CDHR3: variants seen among roughly 807,000 people sequenced by gnomAD.
CDHR3 encodes the protein cadherin-related family member 3.
A neutral mutation model predicts 86.6 loss-of-function variants in CDHR3; 79 were observed. That is an observed-to-expected ratio of 0.91 (90% confidence interval 0.76 to 1.10). CDHR3 has a LOEUF of 1.10. Among genes scored for constraint, CDHR3 ranks in the 50% least tolerant of loss-of-function variants. The pLI, the probability that CDHR3 is intolerant of heterozygous loss-of-function variation, is 0.00. For synonymous variants in CDHR3, 421 were observed against 402.4 expected, an observed-to-expected ratio of 1.05 and a Z score of -0.55; for missense variants, 1,081 against 1,077.6, an observed-to-expected ratio of 1.00 and a Z score of -0.04.
rs1014488804 is a variant in CDHR3, at chr7:105,974,788, T to A, written c.47-56T>A. 6.5e-5 allele frequency: 93 copies of A among 1,438,386 alleles called. No homozygotes were observed. The African/African-American group carries it at 1.1e-3, about 18-fold the overall frequency. 89.1% of individuals were successfully genotyped at this position (1,438,386 alleles called of 1,614,324 possible). Reference sequence around the variant, plus strand: ...GCCACAAACCAAGCTGTTAAGTCCCTGTTCCCAGCAAAAGGCTTTGTGTTC... The same window carrying A: ...GCCACAAACCAAGCTGTTAAGTCCCAGTTCCCAGCAAAAGGCTTTGTGTTC... On this transcript the variant is annotated intron_variant, in intron 1 of 18. Transcript: ENST00000317716.
chr7:106,009,804 T>C (rs532754410), intron 8 of CDHR3, among the ~76,000 whole-genome samples: 85 of 152,344 alleles, frequency 5.6e-4, no homozygotes, highest in African/African-American at 2.0e-3. Flanking sequence ...TTGTAAATTG[T>C]CAGGCGATTC....
At chr7:106,003,989 CAAAAAA>C (rs55815648) in intron 7 of CDHR3, among the ~76,000 whole-genome samples, 4 of 79,976 alleles carry the variant, frequency 5.0e-5, no homozygotes, top group South Asian at 1.2e-3. Flanking sequence ...CCAACCTAAC[CAAAAAA>C]AAAAAAAAAA....
intron 4 of CDHR3, among the ~76,000 whole-genome samples, chr7:105,986,555 TG>T: frequency 6.6e-6 from 1 of 152,200 alleles, no homozygotes; most frequent in East Asian, 1.9e-4. Flanking sequence ...TTACATGACG[TG>T]GGAGGGCTTC....
intron 2 of CDHR3, 21 bp downstream of exon 2, chr7:105,975,067 A>G (rs752456484): frequency 6.3e-7 from 1 of 1,581,970 alleles, no homozygotes; most frequent in Non-Finnish European, 8.7e-7. Flanking sequence ...ACTTACCAAC[A>G]TGAGTGTTGC....
chr7:105,967,794 A>G (rs1001671009), intron 1 of CDHR3, among the ~76,000 whole-genome samples: 1 of 152,008 alleles, frequency 6.6e-6, no homozygotes, highest in Non-Finnish European at 1.5e-5. Flanking sequence ...CCACTTTTTG[A>G]TGGAGTTGTT....
At chr7:106,019,298 TG>T (rs1259387833) in intron 12 of CDHR3, among the ~76,000 whole-genome samples, 2 of 152,150 alleles carry the variant, frequency 1.3e-5, no homozygotes, top group Non-Finnish European at 2.9e-5. Context: ...TAACTTGCTT[TG>T]AATTAATGGG....
Position 106,033,607 on chromosome 7 carries a change from G to T in CDHR3, c.*910G>T, listed in dbSNP as rs1838670255. 6.6e-6 allele frequency: 1 copy of T among 152,174 alleles called. No homozygotes were observed. Among genetic ancestry groups the T allele is most frequent in the Admixed American group, 6.5e-5 (1 of 15,278 alleles). 9.4% of individuals were successfully genotyped at this position (152,174 alleles called of 1,614,324 possible). On this transcript the variant is annotated 3_prime_UTR_variant, in exon 19 of 19. Coordinates refer to ENST00000317716, the MANE Select transcript of CDHR3 (RefSeq NM_152750.5). Reference sequence around the variant, plus strand: ...ATACAAAAATTAGCTTGGTGTGGTGGTGGGCACATGTAATCCCAGCTACTT... The same window carrying T: ...ATACAAAAATTAGCTTGGTGTGGTGTTGGGCACATGTAATCCCAGCTACTT...
At chr7:106,026,031 CT>C (rs1189764593) in intron 15 of CDHR3, among the ~76,000 whole-genome samples, 1 of 152,172 alleles carries the variant, frequency 6.6e-6, no homozygotes, top group Non-Finnish European at 1.5e-5. Flanking sequence ...GAACCTGGTT[CT>C]TTTAACTTAT....
chr7:106,015,278 G>A, intron 10 of CDHR3, 65 bp downstream of exon 10: 1 of 1,365,518 alleles, frequency 7.3e-7, no homozygotes, highest in South Asian at 1.3e-5. Flanking sequence ...AACTCTGCTG[G>A]GCAATACTAG....
intron 4 of CDHR3, among the ~76,000 whole-genome samples, chr7:105,988,104 G>T (rs1035059477): frequency 5.9e-5 from 9 of 152,118 alleles, no homozygotes; most frequent in African/African-American, 2.4e-5. Flanking sequence ...GCCCAGGCTG[G>T]TCTCAAACTC....
Position 105,994,763 on chromosome 7 carries a change from T to C in CDHR3, c.526T>C (p.Ser176Pro). 6.2e-7 allele frequency: 1 copy of C among 1,611,328 alleles called. No individual in the cohort carries two copies. The highest frequency in any genetic ancestry group is 8.5e-7 in the Non-Finnish European group (1 of 1,178,654). Residue 176 changes from serine to proline, a missense_variant, in exon 5 of 19, where the codon TCT becomes CCT. Coordinates refer to ENST00000317716, the MANE Select transcript of CDHR3 (RefSeq NM_152750.5). ...RNIPLSYFLISPPKSFRMSAN... is the reference protein window; with the variant it reads ...RNIPLSYFLIPPPKSFRMSAN... ...CCTTGTTTTTTAGTATTTCCTGATT[T>C]CTCCCCCAAAGAGCTTCAGAATGTC...
rs759233670 is a variant in CDHR3, at chr7:106,015,937, C to T, written c.1338C>T (p.Tyr446=). The T allele has an allele frequency of 1.9e-5, 31 of 1,607,764 alleles. No individual in the cohort carries two copies. The highest frequency in any genetic ancestry group is 5.5e-5 in the South Asian group (5 of 90,616). The stretch of plus-strand genomic sequence containing the variant: ...TATTTCCATTTTTAGATAACGTCTA[C>T]GTTTATATCCTAACAAGCCCAGAAA... ...VAPPYYKNNV[Y]VYILTSPENE... The change falls in exon 11 of 19, where the codon TAC becomes TAT. Residue 446 remains tyrosine, a synonymous_variant. Coordinates refer to ENST00000317716, the MANE Select transcript of CDHR3 (RefSeq NM_152750.5).
intron 4 of CDHR3, among the ~76,000 whole-genome samples, chr7:105,991,391 G>GA (rs144724765): frequency 0.026 from 3,792 of 147,478 alleles, 149 homozygotes; most frequent in African/African-American, 0.089. Context: ...GTGTTAAAAA[G>GA]AAAAAAAAAA....
At chr7:105,982,562 C>A (rs1163418332) in intron 3 of CDHR3, among the ~76,000 whole-genome samples, 2 of 152,008 alleles carry the variant, frequency 1.3e-5, no homozygotes, top group Non-Finnish European at 2.9e-5. Flanking sequence ...TTCCCCTTCT[C>A]CCCCTCAGTC....
rs1412376523 is a variant in CDHR3, at chr7:105,980,980, G to A, written c.262G>A (p.Gly88Arg). 1 of 1,607,576 alleles carries A rather than the reference G, an allele frequency of 6.2e-7. No homozygotes were observed. The highest frequency in any genetic ancestry group is 8.5e-7 in the Non-Finnish European group (1 of 1,176,856). Residue 88 changes from glycine (G) to arginine (R), a missense_variant, in exon 3 of 19, where the codon GGG becomes AGG. Gly to Arg is a moderately radical substitution (Grantham distance 125). Coordinates refer to ENST00000317716, the MANE Select transcript of CDHR3 (RefSeq NM_152750.5). ...CATTTTGTTTTAGGTTGTCACCACT[G>A]GGATGGAACAACTAGATTTTGAAAC... ...SGTYFEVVTT[G>R]MEQLDFETGP...
Position 105,974,923 on chromosome 7 carries a change from C to T in CDHR3, c.126C>T (p.His42=). 2 of 1,613,918 alleles carry T rather than the reference C, an allele frequency of 1.2e-6. No homozygotes were observed. The highest frequency in any genetic ancestry group is 1.7e-6 in the Non-Finnish European group (2 of 1,179,792). The change falls in exon 2 of 19, where the codon CAC becomes CAT. Residue 42 remains histidine, a synonymous_variant. Coordinates refer to ENST00000317716, the MANE Select transcript of CDHR3 (RefSeq NM_152750.5). ...AENSPPGTSV[H]KFSVKLSASL... ...ATTCTCCACCTGGGACTTCAGTGCA[C>T]AAGTTTTCTGTGAAGTTATCAGCAT...
chr7:106,032,271 T>A, intron 18 of CDHR3, 122 bp from the exon 19 acceptor site: 1 of 935,038 alleles, frequency 1.1e-6, no homozygotes, highest in South Asian at 1.7e-5. Flanking sequence ...TGTCAGTGAT[T>A]CACACCTTCT....
chr7:105,966,866 C>T (rs1827017370), intron 1 of CDHR3, among the ~76,000 whole-genome samples: 1 of 152,130 alleles, frequency 6.6e-6, no homozygotes, highest in Non-Finnish European at 1.5e-5. Context: ...AAGATAAACA[C>T]GTCTGTTTCT....
chr7:105,977,647 A>G (rs1025576000), intron 2 of CDHR3, among the ~76,000 whole-genome samples: 2 of 152,002 alleles, frequency 1.3e-5, no homozygotes, highest in Non-Finnish European at 2.9e-5. Flanking sequence ...AGAAGATCCT[A>G]CTCTCCAACC....
Sources: allele counts gnomAD v4.1 joint callset (sites outside exome capture counted in the v4.1 genomes callset), GRCh38; gene constraint gnomAD v4.1.1; transcripts MANE v1.5; gene names NCBI Gene and HGNC (gene_info 2026-07-23, HGNC 2026-07-21).